The following DDX60 variants were observed in gnomAD, a reference collection of about 807,000 sequenced individuals.
DDX60 encodes DExD/H-box helicase 60, also known as probable ATP-dependent RNA helicase DDX60.
Under a neutral mutation model 212.8 loss-of-function variants are expected in DDX60, and 165 were observed. The ratio of observed to expected loss-of-function variants is 0.78; its 90% CI spans 0.68 to 0.88. DDX60 has a LOEUF of 0.88. Among genes scored for constraint, DDX60 ranks in the 40% least tolerant of loss-of-function variants. DDX60 has a pLI of 0.00. For synonymous variants in DDX60, 703 were observed against 685.3 expected (o/e 1.03, Z -0.40); for missense variants, 1,905 against 2,003.9 (o/e 0.95, Z 0.94).
At position 168,290,647 on chromosome 4, in the gene DDX60, C is replaced by T. The variant is rs192803308; in HGVS notation, c.1041+1101G>A. On this transcript the variant is annotated intron_variant, in intron 8 of 37. Coordinates refer to ENST00000393743, the MANE Select transcript of DDX60 (RefSeq NM_017631.6). Reference sequence around the variant, plus strand: ...CTGGGATTACAGGTGTGAGCCACCGCGGCCGGCCTGTCTTCATTTCTTAAG... The same window carrying T: ...CTGGGATTACAGGTGTGAGCCACCGTGGCCGGCCTGTCTTCATTTCTTAAG... Among the ~76,000 whole-genome samples the T allele has an allele frequency of 3.3e-5, 5 of 152,182 alleles. No individual in the cohort carries two copies. In the East Asian group the frequency reaches 7.7e-4, roughly 24 times the overall value.
chr4:168,259,129 T>G (rs2149510321), intron 25 of DDX60, among the ~76,000 whole-genome samples: 1 of 152,328 alleles, frequency 6.6e-6, no homozygotes, highest in Middle Eastern at 3.4e-3. Context: ...ACATACTACA[T>G]ACATGTGCAT....
chr4:168,220,631 T>C, intron 37 of DDX60, 24 bp downstream of exon 37: 1 of 1,235,282 alleles, frequency 8.1e-7, no homozygotes, highest in Non-Finnish European at 1.1e-6. Context: ...AAATCTAAAA[T>C]CAATATTTAA....
chr4:168,304,256 A>G lies in DDX60; in HGVS notation c.607-1840T>C, dbSNP rs1369240038. On this transcript the variant is annotated intron_variant, in intron 5 of 37. Coordinates refer to ENST00000393743, the MANE Select transcript of DDX60 (RefSeq NM_017631.6). Reference sequence around the variant, plus strand: ...CTGCCCCTGAAGACTTTCCAGTGGGACAAGATCTGGAGGTGGAAGACAGTT... The same window carrying G: ...CTGCCCCTGAAGACTTTCCAGTGGGGCAAGATCTGGAGGTGGAAGACAGTT... 3.3e-5 allele frequency among the ~76,000 whole-genome samples: 5 copies of G among 152,278 alleles called. No individual in the cohort carries two copies. The East Asian group carries it at 9.7e-4, about 29-fold the overall frequency.
chr4:168,243,606 G>A (rs1423378198), intron 30 of DDX60, among the ~76,000 whole-genome samples: 1 of 152,184 alleles, frequency 6.6e-6, no homozygotes, highest in Non-Finnish European at 1.5e-5. Flanking sequence ...AGAAACAACA[G>A]ATGCTGGTGA....
Position 168,308,504 on chromosome 4 carries a change from G to C in DDX60, c.75-309C>G, listed in dbSNP as rs147418288. Among the ~76,000 whole-genome samples, 85 of 152,018 alleles carry C rather than the reference G, an allele frequency of 5.6e-4. No individual in the cohort carries two copies. The East Asian group carries it at 0.016, about 28-fold the overall frequency. On this transcript the variant is annotated intron_variant, in intron 3 of 37. Coordinates refer to ENST00000393743, the MANE Select transcript of DDX60 (RefSeq NM_017631.6). ...TAAACCTAAATTATATATATTTTAT[G>C]CTTAATCAACCTCAGCCCCTTACAA...
Position 168,272,150 on chromosome 4 carries a change from A to C in DDX60, c.2575-12T>G. ...ACTGTAATAAGTACCTACAAAGAATAATATTGTGTGAAGTAACATTTTGAG... is the reference window on the plus strand; with the variant it reads ...ACTGTAATAAGTACCTACAAAGAATCATATTGTGTGAAGTAACATTTTGAG... On this transcript the variant is annotated splice_polypyrimidine_tract_variant and intron_variant, in intron 18 of 37. Coordinates refer to ENST00000393743, the MANE Select transcript of DDX60 (RefSeq NM_017631.6). 1 of 1,558,818 alleles carries C rather than the reference A, an allele frequency of 6.4e-7. No homozygotes were observed. Among genetic ancestry groups the C allele is most frequent in the African/African-American group, 1.4e-5 (1 of 73,560 alleles).
intron 3 of DDX60, 137 bp downstream of exon 3, chr4:168,310,861 C>T: frequency 2.2e-6 from 1 of 446,410 alleles, no homozygotes; most frequent in Admixed American, 4.0e-5. Context: ...CATGGATTCT[C>T]AACTGCATAG....
rs1051490173 is a variant in DDX60, at chr4:168,288,360, A to G, written c.1042-45T>C. 3.0e-6 allele frequency: 4 copies of G among 1,324,120 alleles called. No homozygotes were observed. In the African/African-American group the frequency reaches 6.0e-5, roughly 20 times the overall value. The allele number at this position is 1,324,120 out of a possible 1,614,324, so 82.0% of individuals were successfully genotyped here. On this transcript the variant is annotated intron_variant, in intron 8 of 37. Transcript: ENST00000393743. ...CCAAGTTATTGGCAATATTCATATT[A>G]GCAATAAACTATAGGGTTCATATGC...
chr4:168,319,647 C>T (rs183578452), upstream of DDX60, among the ~76,000 whole-genome samples: 101 of 152,200 alleles, frequency 6.6e-4, no homozygotes, highest in Admixed American at 6.1e-3. Flanking sequence ...GTGTGGGTTT[C>T]GATACTCATC....
chr4:168,280,324 G>C lies in DDX60; in HGVS notation c.1978+11C>G. On this transcript the variant is annotated intron_variant, in intron 14 of 37. Transcript: ENST00000393743. ...TCCAACTCACCGAAATAACAAAACAGAATTACATACCTTCTTCACTTCGGC... is the reference window on the plus strand; with the variant it reads ...TCCAACTCACCGAAATAACAAAACACAATTACATACCTTCTTCACTTCGGC... 1 of 1,597,096 alleles carries C rather than the reference G, an allele frequency of 6.3e-7. No homozygotes were observed. Among genetic ancestry groups the C allele is most frequent in the Non-Finnish European group, 8.5e-7 (1 of 1,172,332 alleles).
chr4:168,297,379 A>AG (rs1491415415), intron 6 of DDX60, among the ~76,000 whole-genome samples: 1 of 57,456 alleles, frequency 1.7e-5, no homozygotes, highest in Admixed American at 1.5e-4. Flanking sequence ...AGAAAGAAAG[A>AG]AAGAGAAAGA....
intron 6 of DDX60, among the ~76,000 whole-genome samples, chr4:168,297,013 C>T (rs574975989): frequency 1.8e-4 from 28 of 151,754 alleles, no homozygotes; most frequent in South Asian, 6.3e-4. Context: ...CAGGTTCACG[C>T]GATTCTCCTG....
At chr4:168,290,424 G>A (rs1158839999) in intron 8 of DDX60, among the ~76,000 whole-genome samples, 5 of 150,992 alleles carry the variant, frequency 3.3e-5, no homozygotes, top group African/African-American at 1.2e-4. Flanking sequence ...CGCCTCCTGG[G>A]TTCACACCAT....
At chr4:168,312,396 G>A (rs1388310244) in intron 1 of DDX60, among the ~76,000 whole-genome samples, 1 of 152,152 alleles carries the variant, frequency 6.6e-6, no homozygotes, top group East Asian at 1.9e-4. Flanking sequence ...AGTCATCTGA[G>A]TATTAACGGT....
At chr4:168,266,685 A>G (rs1239201681) in intron 22 of DDX60, among the ~76,000 whole-genome samples, 2 of 152,144 alleles carry the variant, frequency 1.3e-5, no homozygotes, top group African/African-American at 4.8e-5. Flanking sequence ...TGGAAAGGAG[A>G]TTGGGGCCAG....
At chr4:168,270,875 C>CTTTTTTTTTTTTTTTTTTTTT in intron 19 of DDX60, among the ~76,000 whole-genome samples, 1 of 110,862 alleles carries the variant, frequency 9.0e-6, no homozygotes, top group Non-Finnish European at 1.8e-5. Flanking sequence ...TTCTTTCTTT[C>CTTTTTTTTTTTTTTTTTTTTT]TTTTTTTTTT....
intron 19 of DDX60, among the ~76,000 whole-genome samples, chr4:168,271,497 T>C (rs988565146): frequency 1.3e-5 from 2 of 152,136 alleles, no homozygotes; most frequent in Non-Finnish European, 2.9e-5. Context: ...TCCTTTTGAG[T>C]TTCCATAAAT....
intron 6 of DDX60, among the ~76,000 whole-genome samples, chr4:168,298,448 A>G (rs562147364): frequency 6.6e-6 from 1 of 152,340 alleles, no homozygotes; most frequent in South Asian, 2.1e-4. Context: ...TAGTATCTTT[A>G]TATTGGGCTA....
chr4:168,222,152 A>C (rs943790219), intron 35 of DDX60, among the ~76,000 whole-genome samples: 3 of 152,120 alleles, frequency 2.0e-5, no homozygotes, highest in African/African-American at 7.2e-5. Context: ...AGAAACACTC[A>C]CTAGGAAAGA....
Sources: allele counts gnomAD v4.1 joint callset (sites outside exome capture counted in the v4.1 genomes callset), GRCh38; gene constraint gnomAD v4.1.1; transcripts MANE v1.5; gene names NCBI Gene and HGNC (gene_info 2026-07-23, HGNC 2026-07-21).